SYNRG: variants seen among roughly 807,000 people sequenced by gnomAD.
SYNRG encodes AP1 gamma subunit binding protein 1.
A neutral mutation model predicts 130.9 loss-of-function variants in SYNRG; 37 were observed. The ratio of observed to expected loss-of-function variants is 0.28; its 90% CI spans 0.22 to 0.37. SYNRG has a LOEUF of 0.37. Ranked by LOEUF, SYNRG falls within the 10% of genes least tolerant of loss-of-function variation. The pLI is 1.00. For synonymous variants in SYNRG, 539 were observed against 568.1 expected, an observed-to-expected ratio of 0.95 and a Z score of 0.73; for missense variants, 1,338 against 1,588.9, an observed-to-expected ratio of 0.84 and a Z score of 2.68.
At chr17:37,580,903 C>T (rs2061277562) in intron 6 of SYNRG, among the ~76,000 whole-genome samples, 1 of 152,142 alleles carries the variant, frequency 6.6e-6, no homozygotes, top group Non-Finnish European at 1.5e-5. Flanking sequence ...CTCCTAACCT[C>T]AGGTGATCCA....
chr17:37,574,295 T>C (rs1321936968), intron 8 of SYNRG, among the ~76,000 whole-genome samples: 1 of 152,112 alleles, frequency 6.6e-6, no homozygotes, highest in Non-Finnish European at 1.5e-5. Flanking sequence ...CCAGAAACTA[T>C]GAAACTACTA....
At chr17:37,551,324 C>G (rs569694485) in intron 14 of SYNRG, among the ~76,000 whole-genome samples, 1 of 152,290 alleles carries the variant, frequency 6.6e-6, no homozygotes, top group South Asian at 2.1e-4. Context: ...AGACATCAAC[C>G]CCTTTTAACA....
intron 11 of SYNRG, 135 bp downstream of exon 11, chr17:37,568,656 A>T: frequency 1.1e-6 from 1 of 946,236 alleles, no homozygotes; most frequent in Non-Finnish European, 1.5e-6. Context: ...AAGTATTAAT[A>T]CAGAGGGAAT....
intron 19 of SYNRG, among the ~76,000 whole-genome samples, chr17:37,534,264 C>G (rs1164797052): frequency 6.6e-6 from 1 of 151,934 alleles, no homozygotes. Flanking sequence ...TATTTTCTAA[C>G]TACTAATAAT....
intron 5 of SYNRG, 133 bp from the exon 6 acceptor site, chr17:37,584,892 C>G (rs2061580770): frequency 4.6e-6 from 3 of 653,404 alleles, no homozygotes; most frequent in Non-Finnish European, 7.6e-6. Context: ...AATGAATTAT[C>G]CAAGTCAGCA....
chr17:37,571,711 C>T (rs191507655), intron 9 of SYNRG, 80 bp downstream of exon 9: 27 of 1,289,760 alleles, frequency 2.1e-5, no homozygotes, highest in Middle Eastern at 3.9e-4. Flanking sequence ...AGGAGTTACA[C>T]AATGTAGTAA....
At chr17:37,587,867 G>C (rs978348780) in intron 3 of SYNRG, among the ~76,000 whole-genome samples, 4 of 152,080 alleles carry the variant, frequency 2.6e-5, no homozygotes, top group Admixed American at 1.3e-4. Context: ...CCAAAATCTG[G>C]ATGTTAGGCA....
intron 10 of SYNRG, 128 bp downstream of exon 10, chr17:37,570,509 A>ATTTAAATTTAATTAAATT: frequency 7.8e-7 from 1 of 1,282,304 alleles, no homozygotes; most frequent in African/African-American, 1.5e-5. Flanking sequence ...GTTTTTCTGA[A>ATTTAAATTTAATTAAATT]AGATACAACC....
intron 1 of SYNRG, among the ~76,000 whole-genome samples, chr17:37,607,519 T>G (rs2063852460): frequency 6.6e-6 from 1 of 152,212 alleles, no homozygotes; most frequent in Admixed American, 6.5e-5. Flanking sequence ...CCGGGCGTGG[T>G]GACTCAAGCC....
chr17:37,552,479 A>G (rs577601372), intron 14 of SYNRG, among the ~76,000 whole-genome samples: 12 of 152,312 alleles, frequency 7.9e-5, no homozygotes, highest in East Asian at 1.9e-4. Flanking sequence ...TTACAACTTA[A>G]TATTTCCAGT....
chr17:37,556,703 C>T (rs796805896), intron 13 of SYNRG, among the ~76,000 whole-genome samples: 23 of 152,176 alleles, frequency 1.5e-4, no homozygotes, highest in African/African-American at 5.3e-4. Flanking sequence ...GTAAGACATA[C>T]CACTAGTAAA....
intron 19 of SYNRG, among the ~76,000 whole-genome samples, chr17:37,524,035 A>G (rs2055507137): frequency 6.6e-6 from 1 of 152,182 alleles, no homozygotes; most frequent in African/African-American, 2.4e-5. Context: ...GCGCTGCACA[A>G]TGTTTGCTAA....
At position 37,609,332 on chromosome 17, in the gene SYNRG, A is replaced by T; in HGVS notation, c.24T>A (p.Gly8=). Residue 8 remains glycine, a synonymous_variant, in exon 1 of 22, where the codon GGT becomes GGA. Transcript: ENST00000612223. ...CTCCCGCGGCCCCGCCGCCACCAGA[A>T]CCAGCTCCTGGCCGCAGCGCCATCT... The part of the protein sequence containing the change: MALRPGA[G]SGGGGAAGAG... 6.8e-7 allele frequency: 1 copy of T among 1,468,098 alleles called. No homozygotes were observed. Among genetic ancestry groups the T allele is most frequent in the Non-Finnish European group, 9.0e-7 (1 of 1,116,288 alleles). The allele number at this position is 1,468,098 out of a possible 1,614,324, so 90.9% of individuals were successfully genotyped here. A position where few individuals can be genotyped will look rare whatever the true frequency, so the allele number is the denominator to read the frequency against.
intron 19 of SYNRG, among the ~76,000 whole-genome samples, chr17:37,532,250 CAG>C (rs1262391417): frequency 6.6e-6 from 1 of 152,204 alleles, no homozygotes; most frequent in Admixed American, 6.5e-5. Flanking sequence ...AGTTCACAGT[CAG>C]GGAGAAAGCA....
At chr17:37,570,981 G>GC (rs2060390508) in intron 9 of SYNRG, 96 bp from the exon 10 acceptor site, 1 of 1,445,738 alleles carries the variant, frequency 6.9e-7, no homozygotes, top group Non-Finnish European at 9.2e-7. Context: ...TGTAGCCTTT[G>GC]CATGTTTCCA....
At chr17:37,559,094 T>C (rs1190152789) in intron 13 of SYNRG, among the ~76,000 whole-genome samples, 1 of 152,250 alleles carries the variant, frequency 6.6e-6, no homozygotes, top group East Asian at 1.9e-4. Context: ...TATATTTCTG[T>C]ATGAGAGCTG....
intron 14 of SYNRG, among the ~76,000 whole-genome samples, chr17:37,550,235 T>C (rs931292173): frequency 2.6e-5 from 4 of 152,208 alleles, no homozygotes; most frequent in African/African-American, 9.7e-5. Context: ...TTTCTCCCTA[T>C]CATGTAAAGT....
intron 14 of SYNRG, among the ~76,000 whole-genome samples, chr17:37,543,935 G>A (rs965566016): frequency 6.6e-6 from 1 of 152,256 alleles, no homozygotes; most frequent in Non-Finnish European, 1.5e-5. Flanking sequence ...AACCACATAT[G>A]TGATTTACAA....
intron 17 of SYNRG, among the ~76,000 whole-genome samples, 171 bp from the exon 18 acceptor site, chr17:37,538,591 T>TTTGTG (rs1352747221): frequency 1.3e-5 from 2 of 152,210 alleles, no homozygotes; most frequent in Non-Finnish European, 2.9e-5. Context: ...TTTTTTTCCT[T>TTTGTG]TTGTTTTGTT....
Sources: allele counts gnomAD v4.1 joint callset (sites outside exome capture counted in the v4.1 genomes callset), GRCh38; gene constraint gnomAD v4.1.1; transcripts MANE v1.5; gene names NCBI Gene and HGNC (gene_info 2026-07-23, HGNC 2026-07-21).